ASIP: variants seen among roughly 807,000 people sequenced by gnomAD.
The protein encoded by ASIP is agouti signaling protein.
ASIP carries 11 observed loss-of-function variants against 10.3 expected under a neutral mutation model. The observed-to-expected ratio is 1.07, with a 90% CI of 0.68 to 1.78. ASIP has a LOEUF of 1.78. Ranked by LOEUF, ASIP falls within the 40% of genes most tolerant of loss-of-function variation. The probability of loss-of-function intolerance (pLI) is 0.00; values close to 1 mark genes in which losing one functional copy is unlikely to be tolerated. For synonymous variants in ASIP, 70 were observed against 70.8 expected (o/e 0.99, Z 0.06); for missense variants, 180 against 169.2 (o/e 1.06, Z -0.35).
At chr20:34,260,002 G>T (rs557515265) in intron 1 of ASIP, among the ~76,000 whole-genome samples, 1 of 151,798 alleles carries the variant, frequency 6.6e-6, no homozygotes, top group African/African-American at 2.4e-5. Flanking sequence ...CCCTACTGGG[G>T]GCCTTTCAAC....
chr20:34,192,829 GA>G (rs1289317933), upstream of ASIP, among the ~76,000 whole-genome samples: 1 of 152,030 alleles, frequency 6.6e-6, no homozygotes, highest in Non-Finnish European at 1.5e-5. Context: ...AAATTTTATG[GA>G]TACATAATAG....
At chr20:34,260,038 TG>T (rs1388283895) in intron 1 of ASIP, among the ~76,000 whole-genome samples, 1 of 152,006 alleles carries the variant, frequency 6.6e-6, no homozygotes, top group East Asian at 1.9e-4. Flanking sequence ...TGGGGTCTCC[TG>T]GGGCCACAGA....
upstream of ASIP, among the ~76,000 whole-genome samples, chr20:34,191,392 G>A (rs535708499): frequency 5.3e-5 from 8 of 152,132 alleles, no homozygotes; most frequent in East Asian, 9.7e-4. Flanking sequence ...GCTGAGGCTC[G>A]GGATCAGCAG....
intron 1 of ASIP, among the ~76,000 whole-genome samples, chr20:34,223,740 G>A (rs1272710387): frequency 7.1e-6 from 1 of 140,012 alleles, no homozygotes; most frequent in Non-Finnish European, 1.6e-5. Context: ...CATTGAGAAC[G>A]GGCCAGGATG....
Position 34,269,032 on chromosome 20 carries a change from C to G in ASIP, c.264C>G (p.Pro88=), listed in dbSNP as rs36093428. The change falls in exon 4 of 4, where the codon CCC becomes CCG. Residue 88 remains proline, a synonymous_variant. Transcript: ENST00000374954. ...SMKKVVRPRT[P]LSAPCVATRN... ...AGAAAGTGGTGCGGCCCCGGACCCC[C>G]CTATCTGCGCCCTGCGTGGCCACCC... The G allele has an allele frequency of 1.2e-4, 195 of 1,607,510 alleles. 2 individuals carry two copies. The highest frequency in any genetic ancestry group is 1.2e-3 in the Middle Eastern group (7 of 6,046).
chr20:34,215,119 A>C, intron 1 of ASIP: 2 of 1,579,686 alleles, frequency 1.3e-6, no homozygotes, highest in Non-Finnish European at 1.7e-6. Flanking sequence ...CATTTTATCA[A>C]CAGGGTCCAT....
chr20:34,243,906 T>C (rs1415420184), intron 1 of ASIP, among the ~76,000 whole-genome samples: 4 of 151,620 alleles, frequency 2.6e-5, no homozygotes, highest in Non-Finnish European at 5.9e-5. Context: ...CTACTAAAAA[T>C]ACAAAAAAAT....
chr20:34,223,461 T>C (rs2035067035), intron 1 of ASIP, among the ~76,000 whole-genome samples: 1 of 149,390 alleles, frequency 6.7e-6, no homozygotes, highest in Non-Finnish European at 1.5e-5. Context: ...GTGAGGAGCG[T>C]CTCCGCCCGG....
At chr20:34,256,502 C>T (rs1036063615) in intron 1 of ASIP, among the ~76,000 whole-genome samples, 3 of 152,176 alleles carry the variant, frequency 2.0e-5, no homozygotes, top group Admixed American at 1.3e-4. Flanking sequence ...TGAGGTCTCT[C>T]TATGTTGCCA....
intron 1 of ASIP, among the ~76,000 whole-genome samples, chr20:34,201,020 CT>C (rs2034892939): frequency 2.5e-5 from 2 of 78,628 alleles, no homozygotes; most frequent in African/African-American, 2.1e-4. Flanking sequence ...TTCCTTCCTT[CT>C]TTCTTTCTTT....
chr20:34,263,015 G>T, intron 3 of ASIP, 122 bp downstream of exon 3: 1 of 1,145,132 alleles, frequency 8.7e-7, no homozygotes, highest in African/African-American at 1.6e-5. Flanking sequence ...ATTAACAAAA[G>T]AAACTGAAAG....
rs975989748 is a variant in ASIP at position 34,221,150 on chromosome 20, G to A, written c.-11+26390G>A. On this transcript the variant is annotated intron_variant, in intron 1 of 3. Transcript: ENST00000568305. The stretch of plus-strand genomic sequence containing the variant: ...TCCCAGCTTTTTGGGAGGCTGAGGC[G>A]GGTGGATCACGAGGTCAGGAGATCG... Among the ~76,000 whole-genome samples, 7 of 151,580 alleles carry A rather than the reference G, an allele frequency of 4.6e-5. No individual in the cohort carries two copies. The East Asian group carries it at 5.8e-4, about 13-fold the overall frequency.
At chr20:34,223,028 G>C (rs908470581) in intron 1 of ASIP, among the ~76,000 whole-genome samples, 1 of 152,204 alleles carries the variant, frequency 6.6e-6, no homozygotes, top group East Asian at 1.9e-4. Flanking sequence ...TGCCGAGATT[G>C]CAGCCTCTGC....
chr20:34,242,436 T>C (rs1419168575), intron 1 of ASIP, among the ~76,000 whole-genome samples: 1 of 152,120 alleles, frequency 6.6e-6, no homozygotes, highest in Non-Finnish European at 1.5e-5. Flanking sequence ...TTCCACTATG[T>C]TGGCCAGGCT....
At chr20:34,213,887 G>A (rs1203038674) in intron 1 of ASIP, 8 of 1,577,602 alleles carry the variant, frequency 5.1e-6, no homozygotes, top group Admixed American at 1.7e-5. Context: ...TTACTAGTTC[G>A]ACTTGCAAAT....
At chr20:34,215,534 T>G in intron 1 of ASIP, 1 of 1,517,968 alleles carries the variant, frequency 6.6e-7, no homozygotes. Context: ...CTTGGGCCAC[T>G]TAGTGAGATA....
Position 34,203,557 on chromosome 20 carries a change from G to A in ASIP, c.-11+8797G>A, listed in dbSNP as rs1436736820. Reference sequence around the variant, plus strand: ...GGATTACAGGCACCTGCCACCACACGTGGCTAATCTTTGCATTATTGTAGA... The same window carrying A: ...GGATTACAGGCACCTGCCACCACACATGGCTAATCTTTGCATTATTGTAGA... On this transcript the variant is annotated intron_variant, in intron 1 of 3. Transcript: ENST00000568305. Among the ~76,000 whole-genome samples, 3 of 146,128 alleles carry A rather than the reference G, an allele frequency of 2.1e-5. No homozygotes were observed. In the South Asian group the frequency reaches 6.6e-4, roughly 32 times the overall value.
intron 1 of ASIP, among the ~76,000 whole-genome samples, chr20:34,225,957 A>C (rs531191597): frequency 1.0e-3 from 151 of 150,352 alleles, no homozygotes; most frequent in African/African-American, 3.2e-3. Context: ...GTAGTGGCGC[A>C]GTCTTGGCTC....
chr20:34,246,801 C>T (rs530997639), intron 1 of ASIP, among the ~76,000 whole-genome samples: 4 of 152,198 alleles, frequency 2.6e-5, no homozygotes, highest in African/African-American at 9.6e-5. Context: ...ACTTGAAGCT[C>T]CCTTTACTGA....
Sources: gnomAD v4.1 joint callset for allele counts (sites outside exome capture counted in the v4.1 genomes callset) on GRCh38, gnomAD v4.1.1 for gene constraint, MANE v1.5 for transcripts, NCBI Gene and HGNC (gene_info 2026-07-23, HGNC 2026-07-21) for gene names.